The following GRM8 variants were observed in gnomAD, a reference collection of about 807,000 sequenced individuals.
GRM8 encodes the protein metabotropic glutamate receptor 8.
GRM8 carries 47 observed loss-of-function variants against 87.2 expected under a neutral mutation model. That is an observed-to-expected ratio of 0.54 (90% CI 0.43 to 0.69). The LOEUF is 0.69. Ranked by LOEUF, GRM8 falls within the 30% of genes least tolerant of loss-of-function variation. The pLI, the probability that GRM8 is intolerant of heterozygous loss-of-function variation, is 0.00. For synonymous variants in GRM8, 396 were observed against 404.5 expected (o/e 0.98, Z 0.25); for missense variants, 1,019 against 1,139.2 (o/e 0.89, Z 1.52).
At chr7:126,765,320 C>A (rs1169748043) in intron 7 of GRM8, among the ~76,000 whole-genome samples, 1 of 151,912 alleles carries the variant, frequency 6.6e-6, no homozygotes, top group Admixed American at 6.6e-5. Context: ...TCTTTAGACT[C>A]GTTTCTATTC....
chr7:126,873,971 C>A (rs1330141251), intron 6 of GRM8, among the ~76,000 whole-genome samples: 1 of 152,020 alleles, frequency 6.6e-6, no homozygotes, highest in Non-Finnish European at 1.5e-5. Context: ...TAATGGGTTA[C>A]CCCTGCCATG....
intron 2 of GRM8, among the ~76,000 whole-genome samples, chr7:127,195,080 C>T (rs1795214862): frequency 6.6e-6 from 1 of 152,132 alleles, no homozygotes; most frequent in South Asian, 2.1e-4. Flanking sequence ...TTTCTCTTTG[C>T]CATCCTTCCC....
intron 3 of GRM8, among the ~76,000 whole-genome samples, chr7:127,071,912 G>A (rs772524312): frequency 2.6e-5 from 4 of 151,934 alleles, no homozygotes; most frequent in Non-Finnish European, 5.9e-5. Flanking sequence ...TTTGCTTTCA[G>A]TATTTTCCCT....
intron 7 of GRM8, chr7:126,701,610 A>G (rs1809939865): frequency 2.8e-6 from 1 of 362,868 alleles, no homozygotes; most frequent in Non-Finnish European, 5.5e-6. Flanking sequence ...CATACACTAG[A>G]ACCCTGCTTT....
intron 3 of GRM8, among the ~76,000 whole-genome samples, chr7:127,038,681 T>A (rs1818078232): frequency 2.6e-5 from 4 of 152,126 alleles, no homozygotes; most frequent in Admixed American, 2.6e-4. Context: ...AAAACTTTAA[T>A]AAAAATAATC....
chr7:126,623,160 C>T (rs974272466), intron 7 of GRM8, among the ~76,000 whole-genome samples: 1 of 152,054 alleles, frequency 6.6e-6, no homozygotes, highest in Admixed American at 6.6e-5. Flanking sequence ...CATACTGATC[C>T]ATTAGCTTTC....
rs191859780 is a variant in GRM8, at chr7:126,733,339, C to T, written c.1357+36526G>A. ...TTTACTTTGTGAAAGTATTTGTTTA[C>T]TTTATTATATATAATATACATTAAA... is the stretch of plus-strand genomic sequence containing the variant. On this transcript the variant is annotated intron_variant, in intron 7 of 10. Coordinates refer to ENST00000339582, the MANE Select transcript of GRM8 (RefSeq NM_000845.3). Among the ~76,000 whole-genome samples, 76 of 150,642 alleles carry T rather than the reference C, an allele frequency of 5.0e-4. No individual in the cohort carries two copies. The East Asian group carries it at 0.013, about 27-fold the overall frequency.
intron 3 of GRM8, among the ~76,000 whole-genome samples, chr7:127,039,119 T>C (rs1321177544): frequency 1.3e-5 from 2 of 152,224 alleles, no homozygotes; most frequent in East Asian, 1.9e-4. Context: ...GGATTAAACA[T>C]GAAAGTAGTT....
At chr7:127,095,915 C>T (rs918534995) in intron 3 of GRM8, 6 of 152,340 alleles carry the variant, frequency 3.9e-5, no homozygotes, top group Middle Eastern at 3.4e-3. Flanking sequence ...GCACAAGTAT[C>T]ACCTGACACA....
chr7:126,657,296 T>C (rs1053320628), intron 7 of GRM8, among the ~76,000 whole-genome samples: 2 of 151,902 alleles, frequency 1.3e-5, no homozygotes, highest in Non-Finnish European at 2.9e-5. Context: ...TGCTTGACAT[T>C]AAATATTACA....
chr7:127,049,547 T>C (rs10256057), intron 3 of GRM8, among the ~76,000 whole-genome samples: 114,252 of 152,062 alleles, frequency 0.75, 44,250 homozygotes, highest in African/African-American at 0.91. Flanking sequence ...ATTAAATGGC[T>C]CCTAGGCACA....
rs970794637 is a variant in GRM8, at chr7:126,636,918, A to G, written c.1358-27420T>C. 3.3e-5 allele frequency among the ~76,000 whole-genome samples: 5 copies of G among 152,008 alleles called. 1 individual carries two copies. Among genetic ancestry groups the G allele is most frequent in the Admixed American group, 2.0e-4 (3 of 15,236 alleles). ...ATTTTATTTAACTTTTGTTGCATGG[A>G]TTTCTAAAGTTCTTCATCATCTCAA... On this transcript the variant is annotated intron_variant, in intron 7 of 10. Coordinates refer to ENST00000339582, the MANE Select transcript of GRM8 (RefSeq NM_000845.3).
At chr7:127,027,719 A>G (rs1390434291) in intron 3 of GRM8, among the ~76,000 whole-genome samples, 1 of 152,212 alleles carries the variant, frequency 6.6e-6, no homozygotes, top group Non-Finnish European at 1.5e-5. Context: ...TATCAGCTTA[A>G]GGAGATTTTG....
At chr7:127,132,065 C>T (rs1039720589) in intron 2 of GRM8, among the ~76,000 whole-genome samples, 1 of 152,192 alleles carries the variant, frequency 6.6e-6, no homozygotes, top group African/African-American at 2.4e-5. Flanking sequence ...ATCCATTATG[C>T]ACCACAGACC....
intron 7 of GRM8, among the ~76,000 whole-genome samples, chr7:126,637,906 T>G (rs1453104731): frequency 6.6e-6 from 1 of 152,052 alleles, no homozygotes; most frequent in African/African-American, 2.4e-5. Context: ...ATGATACAAA[T>G]ATATACGAGA....
At chr7:126,530,216 G>A (rs1814577724) in intron 9 of GRM8, among the ~76,000 whole-genome samples, 1 of 152,188 alleles carries the variant, frequency 6.6e-6, no homozygotes, top group African/African-American at 2.4e-5. Flanking sequence ...TGTAATTTCA[G>A]AGAGACCTGT....
At chr7:126,660,564 G>A (rs1805050871) in intron 7 of GRM8, among the ~76,000 whole-genome samples, 1 of 152,106 alleles carries the variant, frequency 6.6e-6, no homozygotes, top group Non-Finnish European at 1.5e-5. Context: ...ATGATTACAG[G>A]TGTTTGGATA....
chr7:126,818,149 T>C (rs1312711059), intron 6 of GRM8, among the ~76,000 whole-genome samples: 1 of 152,292 alleles, frequency 6.6e-6, no homozygotes, highest in East Asian at 1.9e-4. Flanking sequence ...AGGAATCTTC[T>C]AAGAAAACTG....
chr7:126,657,580 G>T (rs1380890266), intron 7 of GRM8, among the ~76,000 whole-genome samples: 1 of 152,204 alleles, frequency 6.6e-6, no homozygotes, highest in African/African-American at 2.4e-5. Flanking sequence ...ATAGTTCCAA[G>T]CTTCTATCAC....
Sources: gnomAD v4.1 joint callset for allele counts (sites outside exome capture counted in the v4.1 genomes callset) on GRCh38, gnomAD v4.1.1 for gene constraint, MANE v1.5 for transcripts, NCBI Gene and HGNC (gene_info 2026-07-23, HGNC 2026-07-21) for gene names.